ZNF469: variants seen among roughly 807,000 people sequenced by gnomAD.
ZNF469 encodes the protein zinc finger protein 469.
In ZNF469, 1 loss-of-function variant was observed where a neutral mutation model predicts 1.0. The observed-to-expected ratio is 1.00, with a 90% CI of 0.35 to 4.73. The LOEUF (loss-of-function observed/expected upper bound fraction) is 4.73, where lower values mean the gene tolerates loss of function less well. Ranked by LOEUF, ZNF469 falls within the 30% of genes most tolerant of loss-of-function variation. The probability of loss-of-function intolerance (pLI) is 0.16; values close to 1 mark genes in which losing one functional copy is unlikely to be tolerated. For synonymous variants in ZNF469, 2,703 were observed against 2,363.4 expected, an observed-to-expected ratio of 1.14 and a Z score of -4.17; for missense variants, 6,100 against 5,356.3, an observed-to-expected ratio of 1.14 and a Z score of -4.33.
the ZNF469 span, among the ~76,000 whole-genome samples, chr16:88,356,304 C>T: frequency 3.7e-4 from 57 of 152,282 alleles, no homozygotes; most frequent in Non-Finnish European, 1.9e-4. Context: ...CCTGCCACTG[C>T]CCAGCTGTGA....
chr16:88,265,454 C>T, the ZNF469 span, among the ~76,000 whole-genome samples: 5 of 152,184 alleles, frequency 3.3e-5, no homozygotes, highest in South Asian at 2.1e-4. Flanking sequence ...ATGAGGGCTG[C>T]GGCACAGAGG....
chr16:88,435,814 C>T lies in ZNF469; in HGVS notation c.8344C>T (p.His2782Tyr), dbSNP rs553227769. 4.3e-4 allele frequency: 661 copies of T among 1,550,552 alleles called. No individual in the cohort carries two copies. The highest frequency in any genetic ancestry group is 5.5e-4 in the Non-Finnish European group (632 of 1,146,950). The stretch of plus-strand genomic sequence containing the variant: ...GCCTGCGGAGGACAGCAGCAGGGCC[C>T]ACAGCCGATCAGAGGAAGGTGTCTG... The part of the protein sequence containing the change: ...SEPAEDSSRA[H>Y]SRSEEGVWEE... The change falls in exon 3 of 3, where the codon CAC becomes TAC. Residue 2782 changes from histidine to tyrosine, a missense_variant. His to Tyr is a moderately conservative substitution (Grantham distance 83). Coordinates refer to ENST00000565624, the MANE Select transcript of ZNF469 (RefSeq NM_001367624.2).
At chr16:88,244,432 G>C in the ZNF469 span, among the ~76,000 whole-genome samples, 1 of 133,588 alleles carries the variant, frequency 7.5e-6, no homozygotes, top group Non-Finnish European at 1.7e-5. Context: ...TGGATGGATG[G>C]ATAGGTGGAT....
the ZNF469 span, among the ~76,000 whole-genome samples, chr16:88,339,503 A>T: frequency 1.7e-3 from 1 of 586 alleles, no homozygotes; most frequent in Non-Finnish European, 2.8e-3. Flanking sequence ...TGGCAGGGAG[A>T]TGGGGGACAT....
the ZNF469 span, among the ~76,000 whole-genome samples, chr16:88,259,853 C>T: frequency 6.6e-6 from 1 of 152,196 alleles, no homozygotes; most frequent in African/African-American, 2.4e-5. The surrounding 1 kb of genome is among the most constrained non-coding windows in gnomAD (Gnocchi z 4.1). Flanking sequence ...GACATCTGAG[C>T]AGCAGAGCTG....
rs1399549377 is a variant in ZNF469 at position 88,433,908 on chromosome 16, G to C, written c.6438G>C (p.Leu2146=). ...LTSPSRAQGG[L]GGQLPASPSC... is the part of the protein sequence containing the mutation. The stretch of plus-strand genomic sequence containing the variant: ...CGCCTTCCAGGGCCCAAGGTGGGCT[G>C]GGGGGGCAGCTGCCAGCATCTCCGT... The change falls in exon 3 of 3, where the codon CTG becomes CTC. Residue 2146 remains leucine (L), a synonymous_variant. Transcript: ENST00000565624. 2.6e-6 allele frequency: 4 copies of C among 1,548,540 alleles called. No homozygotes were observed. Among genetic ancestry groups the C allele is most frequent in the Non-Finnish European group, 3.5e-6 (4 of 1,145,898 alleles).
chr16:88,104,850 C>T, the ZNF469 span, among the ~76,000 whole-genome samples: 1 of 152,194 alleles, frequency 6.6e-6, no homozygotes, highest in Non-Finnish European at 1.5e-5. Context: ...TTCCTTCAGG[C>T]CTGCGTTTCA....
chr16:88,272,633 G>A, the ZNF469 span, among the ~76,000 whole-genome samples: 11 of 152,072 alleles, frequency 7.2e-5, no homozygotes, highest in East Asian at 1.9e-3. Context: ...TGAACAGGTG[G>A]GTATATGGGT....
At chr16:88,165,140 A>G in the ZNF469 span, among the ~76,000 whole-genome samples, 1 of 152,226 alleles carries the variant, frequency 6.6e-6, no homozygotes, top group East Asian at 1.9e-4. Flanking sequence ...GCCCGAAGGT[A>G]GAGGCAGCAG....
the ZNF469 span, among the ~76,000 whole-genome samples, chr16:88,245,842 G>C: frequency 6.6e-6 from 1 of 152,288 alleles, no homozygotes; most frequent in Admixed American, 6.5e-5. Context: ...CTGAAGTCCA[G>C]ACATTGAGCG....
At chr16:88,230,427 C>G in the ZNF469 span, among the ~76,000 whole-genome samples, 1 of 152,196 alleles carries the variant, frequency 6.6e-6, no homozygotes, top group Admixed American at 6.5e-5. Flanking sequence ...AGGAAAGGAG[C>G]TGATAAGGGC....
In ZNF469 at chr16:88,429,062, G is replaced by A; in HGVS notation, c.1592G>A (p.Arg531Lys). The A allele has an allele frequency of 6.5e-7, 1 of 1,549,990 alleles. No homozygotes were observed. The change falls in exon 3 of 3, where the codon AGA becomes AAA. Residue 531 changes from arginine (R) to lysine (K), a missense_variant. Coordinates refer to ENST00000565624, the MANE Select transcript of ZNF469 (RefSeq NM_001367624.2). ...LGTAGKTPGP[R>K]EKLPAVRSSQ... ...ACTGCTGGCAAGACACCGGGACCCA[G>A]AGAGAAGCTGCCAGCCGTGAGAAGC...
chr16:88,141,756 G>A, the ZNF469 span, among the ~76,000 whole-genome samples: 1 of 152,216 alleles, frequency 6.6e-6, no homozygotes, highest in Non-Finnish European at 1.5e-5. Flanking sequence ...GCAGGCAGTG[G>A]CAATGGCAGC....
At chr16:88,394,806 C>T (rs968452125) in intron 1 of ZNF469, among the ~76,000 whole-genome samples, 13 of 152,216 alleles carry the variant, frequency 8.5e-5, no homozygotes, top group African/African-American at 2.4e-4. Context: ...CTGGACACGT[C>T]GGAGCCCTGT....
chr16:88,404,391 G>C (rs1391325974), intron 1 of ZNF469, among the ~76,000 whole-genome samples: 1 of 152,232 alleles, frequency 6.6e-6, no homozygotes, highest in Non-Finnish European at 1.5e-5. Flanking sequence ...TGTGCTGTTA[G>C]TGATTCACCA....
chr16:88,200,708 C>G, the ZNF469 span, among the ~76,000 whole-genome samples: 1 of 152,238 alleles, frequency 6.6e-6, no homozygotes, highest in Admixed American at 6.5e-5. Flanking sequence ...TCTAAAGCCA[C>G]TGGAAGAGGA....
intron 1 of ZNF469, among the ~76,000 whole-genome samples, chr16:88,392,331 C>T (rs1904515049): frequency 6.6e-6 from 1 of 152,268 alleles, no homozygotes; most frequent in Non-Finnish European, 1.5e-5. Context: ...TCTCTGAGTG[C>T]CCTTGTGCCT....
At chr16:88,130,611 T>C in the ZNF469 span, among the ~76,000 whole-genome samples, 12 of 146,380 alleles carry the variant, frequency 8.2e-5, no homozygotes, top group East Asian at 1.8e-3. Context: ...GAGGCTGAGG[T>C]AGGAGAATCA....
chr16:88,269,567 A>C, the ZNF469 span, among the ~76,000 whole-genome samples: 13 of 151,926 alleles, frequency 8.6e-5, no homozygotes, highest in African/African-American at 2.9e-4. Flanking sequence ...CCCTGCACAC[A>C]CTATGGGCCC....
Sources: allele counts gnomAD v4.1 joint callset (sites outside exome capture counted in the v4.1 genomes callset), GRCh38; gene constraint gnomAD v4.1.1; non-coding constraint Gnocchi (gnomAD v3.1); transcripts MANE v1.5; gene names NCBI Gene and HGNC (gene_info 2026-07-23, HGNC 2026-07-21).